Variants in PPOX observed in about 807,000 individuals in gnomAD.
PPOX encodes variegate porphyria.
A neutral mutation model predicts 54.1 loss-of-function variants in PPOX; 23 were observed. The ratio of observed to expected loss-of-function variants is 0.43; its 90% CI spans 0.31 to 0.60. The LOEUF is 0.60. Ranked by LOEUF, PPOX falls within the 20% of genes least tolerant of loss-of-function variation. PPOX has a pLI of 0.13. For synonymous variants in PPOX, 224 were observed against 236.1 expected (o/e 0.95, Z 0.47); for missense variants, 512 against 601.1 (o/e 0.85, Z 1.55).
Position 161,169,723 on chromosome 1 carries a change from A to G in PPOX, c.868+3A>G. ...TATTAGTGCCATTCCAGCTTCAGGT[A>G]ATGGAATAGCCACCTTCCCCTTCCC... On this transcript the variant is annotated splice_donor_region_variant and intron_variant, in intron 8 of 12. Coordinates refer to ENST00000367999, the MANE Select transcript of PPOX (RefSeq NM_001122764.3). 6.2e-7 allele frequency: 1 copy of G among 1,614,140 alleles called. No homozygotes were observed. Among genetic ancestry groups the G allele is most frequent in the Non-Finnish European group, 8.5e-7 (1 of 1,179,966 alleles).
rs533496641 is a variant in PPOX at position 161,176,974 on chromosome 1, G to A, written c.498G>A (p.Arg166=). Residue 166 remains arginine, a synonymous_variant, in exon 5 of 5, where the codon AGG becomes AGA. Coordinates refer to the PPOX transcript ENST00000497522. ...ATGTGCCTGGGTGCCAACTCCTCAG[G>A]TGCAGGGACCGTGACCACCTGGGGG... The A allele has an allele frequency of 1.7e-5, 26 of 1,536,140 alleles. No homozygotes were observed. In the African/African-American group the frequency reaches 2.3e-4, roughly 14 times the overall value.
At chr1:161,167,007 C>T (rs1659194824) in intron 2 of PPOX, 73 bp downstream of exon 2, 12 of 1,610,122 alleles carry the variant, frequency 7.5e-6, no homozygotes, top group Admixed American at 3.3e-5. Context: ...CTAGATGGAT[C>T]CTGGCCCTCT....
At chr1:161,166,417 G>A (rs889715145), upstream of PPOX, 5 of 1,124,980 alleles carry the variant, frequency 4.4e-6, no homozygotes, top group Admixed American at 8.6e-5. Context: ...CGTGCCGCGA[G>A]AACAGAGTGG....
intron 9 of PPOX, 88 bp from the exon 10 acceptor site, chr1:161,170,321 T>TCACCC: frequency 5.4e-6 from 2 of 367,764 alleles, no homozygotes; most frequent in South Asian, 1.8e-5. Flanking sequence ...TGAGACTCTG[T>TCACCC]CCCCCCCACC....
chr1:161,171,912 G>C, downstream of PPOX: 1 of 1,614,186 alleles, frequency 6.2e-7, no homozygotes, highest in Non-Finnish European at 8.5e-7. Flanking sequence ...GGAAGGCTTG[G>C]GAGGAACCAG....
chr1:161,171,079 T>C lies in PPOX; in HGVS notation c.1337T>C (p.Leu446Pro), dbSNP rs762223073. 1.2e-6 allele frequency: 2 copies of C among 1,614,090 alleles called. No homozygotes were observed. Among genetic ancestry groups the C allele is most frequent in the Non-Finnish European group, 1.7e-6 (2 of 1,180,054 alleles). ...ACTGCTCACAGGTTGCCCCTGACTC[T>C]GGCTGGAGCCTCCTATGAGGGAGTT... ...FLTAHRLPLT[L>P]AGASYEGVAV... Residue 446 changes from leucine (L) to proline (P), a missense_variant, in exon 13 of 13, where the codon CTG becomes CCG. Coordinates refer to ENST00000367999, the MANE Select transcript of PPOX (RefSeq NM_001122764.3).
downstream of PPOX, chr1:161,171,283 G>A (rs1352417147): frequency 1.3e-6 from 2 of 1,570,624 alleles, no homozygotes; most frequent in African/African-American, 2.7e-5. Flanking sequence ...GGCAAAGTGT[G>A]CCTGGGATGC....
At chr1:161,172,186 G>C (rs775005640), downstream of PPOX, 2 of 1,612,376 alleles carry the variant, frequency 1.2e-6, no homozygotes, top group Non-Finnish European at 1.7e-6. Context: ...GAACCCTGAG[G>C]ATCCAGTAAC....
downstream of PPOX, chr1:161,175,339 T>C: frequency 4.3e-6 from 4 of 937,116 alleles, no homozygotes; most frequent in Non-Finnish European, 6.4e-6. Context: ...GGCTTAGTTC[T>C]CAGGGCTCAC....
intron 9 of PPOX, 52 bp downstream of exon 9, chr1:161,170,076 C>T (rs759556490): frequency 6.4e-7 from 1 of 1,573,050 alleles, no homozygotes; most frequent in Admixed American, 1.9e-5. Context: ...CCTGTAATCC[C>T]AGCATTTTGG....
intron 7 of PPOX, 28 bp downstream of exon 7, chr1:161,169,211 C>A: frequency 6.2e-7 from 1 of 1,610,424 alleles, no homozygotes; most frequent in Non-Finnish European, 8.5e-7. Flanking sequence ...GTGTAATGAA[C>A]CTGTCAGTGT....
At position 161,166,924 on chromosome 1, in the gene PPOX, G is replaced by T; in HGVS notation, c.77G>T (p.Cys26Phe). ...AASYHLSRAP[C>F]PPKVVLVESS... is the part of the protein sequence containing the mutation. The stretch of plus-strand genomic sequence containing the variant: ...AGTTACCACCTGAGCCGGGCCCCCT[G>T]CCCCCCTAAGGTGAGTGCTCCACTT... The change falls in exon 2 of 13, where the codon TGC (cysteine) becomes TTC (phenylalanine). Residue 26 changes from cysteine to phenylalanine, a missense_variant. Transcript: ENST00000367999. The T allele has an allele frequency of 6.2e-7, 1 of 1,613,902 alleles. No individual in the cohort carries two copies. The highest frequency in any genetic ancestry group is 8.5e-7 in the Non-Finnish European group (1 of 1,180,020).
At chr1:161,176,938 T>C (rs772618606) in exon 5 of PPOX, 34 of 1,536,134 alleles carry the variant, frequency 2.2e-5, no homozygotes, top group Non-Finnish European at 2.9e-5. Context: ...AACAGGCTCC[T>C]TCTATTCTTC....
chr1:161,177,126 G>C (rs1398429966), downstream of PPOX: 1 of 1,493,684 alleles, frequency 6.7e-7, no homozygotes, highest in East Asian at 2.5e-5. Flanking sequence ...AAGGGAGAGG[G>C]AGAGCAGGGG....
At chr1:161,171,441 G>A (rs1328843416), downstream of PPOX, 13 of 618,324 alleles carry the variant, frequency 2.1e-5, no homozygotes, top group Non-Finnish European at 3.3e-5. Context: ...CAACTTCCCG[G>A]GAACCATAAA....
rs748791342 is a variant in PPOX at position 161,170,964 on chromosome 1, C to T, written c.1291+15C>T. 6.2e-7 allele frequency: 1 copy of T among 1,614,116 alleles called. No homozygotes were observed. The highest frequency in any genetic ancestry group is 1.1e-5 in the South Asian group (1 of 91,084). On this transcript the variant is annotated intron_variant, in intron 12 of 12. Transcript: ENST00000367999. Reference sequence around the variant, plus strand: ...GCAAAAACTAGGTAAGTTGGGAAAACAGCTGGGCTGAGGAGGGCCAAGGAC... The same window carrying T: ...GCAAAAACTAGGTAAGTTGGGAAAATAGCTGGGCTGAGGAGGGCCAAGGAC...
rs1659147701 is a variant in PPOX at position 161,166,923 on chromosome 1, T to G, written c.76T>G (p.Cys26Gly). The G allele has an allele frequency of 6.2e-7, 1 of 1,613,780 alleles. No individual in the cohort carries two copies. The highest frequency in any genetic ancestry group is 1.3e-5 in the African/African-American group (1 of 74,948). ...CAGTTACCACCTGAGCCGGGCCCCCTGCCCCCCTAAGGTGAGTGCTCCACT... is the reference window on the plus strand; with the variant it reads ...CAGTTACCACCTGAGCCGGGCCCCCGGCCCCCCTAAGGTGAGTGCTCCACT... ...AASYHLSRAPCPPKVVLVESS... is the reference protein window; with the variant it reads ...AASYHLSRAPGPPKVVLVESS... The change falls in exon 2 of 13, where the codon TGC (cysteine) becomes GGC (glycine). Residue 26 changes from cysteine (C) to glycine (G), a missense_variant. Cys to Gly is a radical substitution (Grantham distance 159). Transcript: ENST00000367999.
At chr1:161,175,059 C>G (rs1447729429), downstream of PPOX, 1 of 1,614,044 alleles carries the variant, frequency 6.2e-7, no homozygotes, top group Admixed American at 1.7e-5. Context: ...GGTGGTAGAG[C>G]AGCAGGCGCA....
In PPOX at chr1:161,167,371, G is replaced by C; in HGVS notation, c.223G>C (p.Val75Leu). 1 of 1,613,940 alleles carries C rather than the reference G, an allele frequency of 6.2e-7. No individual in the cohort carries two copies. The highest frequency in any genetic ancestry group is 1.7e-4 in the Middle Eastern group (1 of 6,060). Residue 75 changes from valine to leucine, a missense_variant and splice_region_variant, in exon 4 of 13, where the codon GTT becomes CTT. Transcript: ENST00000367999. ...TCTTCTGAGGGCATGTGGAGAGCAGGTTTCTGAGCTTGGCTTGGATTCAGA... is the reference window on the plus strand; with the variant it reads ...TCTTCTGAGGGCATGTGGAGAGCAGCTTTCTGAGCTTGGCTTGGATTCAGA... ...GALGARTLLL[V>L]SELGLDSEVL...
Sources: allele counts gnomAD v4.1 joint callset, GRCh38; gene constraint gnomAD v4.1.1; transcripts MANE v1.5; gene names NCBI Gene and HGNC (gene_info 2026-07-23, HGNC 2026-07-21).